The following PPID variants were observed in gnomAD, a reference collection of about 807,000 sequenced individuals.
PPID encodes peptidyl-prolyl cis-trans isomerase D.
PPID carries 47 observed loss-of-function variants against 48.1 expected under a neutral mutation model. The observed-to-expected ratio is 0.98, with a 90% CI of 0.77 to 1.25. PPID has a LOEUF of 1.25. Among genes scored for constraint, PPID ranks in the 50% most tolerant of loss-of-function variants. The pLI is 0.00. For synonymous variants in PPID, 163 were observed against 148.8 expected (o/e 1.10, Z -0.69); for missense variants, 429 against 443.5 (o/e 0.97, Z 0.29).
chr4:158,715,425 T>C (rs1466821497), intron 5 of PPID, 22 bp from the exon 6 acceptor site: 1 of 1,484,446 alleles, frequency 6.7e-7, no homozygotes, highest in South Asian at 1.3e-5. Context: ...AATACAAATA[T>C]GTTGGATTTT....
intron 1 of PPID, among the ~76,000 whole-genome samples, chr4:158,722,126 C>T (rs1218726178): frequency 1.3e-5 from 2 of 152,166 alleles, no homozygotes; most frequent in African/African-American, 4.8e-5. Context: ...AGTCTACCTA[C>T]TGTCATGTAT....
At chr4:158,715,888 C>T (rs1774863506) in intron 4 of PPID, among the ~76,000 whole-genome samples, 1 of 152,156 alleles carries the variant, frequency 6.6e-6, no homozygotes, top group Non-Finnish European at 1.5e-5. Flanking sequence ...TATTCAGGAG[C>T]TCAATAAACA....
At chr4:158,710,716 G>T in intron 8 of PPID, 46 bp from the exon 9 acceptor site, 7 of 1,609,582 alleles carry the variant, frequency 4.3e-6, no homozygotes, top group Non-Finnish European at 5.1e-6. Flanking sequence ...GATTTATAAA[G>T]GTAGTTGTCT....
intron 2 of PPID, 32 bp downstream of exon 2, chr4:158,721,311 A>C: frequency 1.9e-6 from 3 of 1,606,370 alleles, no homozygotes; most frequent in Non-Finnish European, 2.6e-6. Context: ...GTCTGTATGA[A>C]GAATAACAAG....
At chr4:158,714,164 T>C (rs969248165) in intron 6 of PPID, among the ~76,000 whole-genome samples, 1 of 152,170 alleles carries the variant, frequency 6.6e-6, no homozygotes, top group African/African-American at 2.4e-5. Context: ...GATTCAGGCA[T>C]GGATTTTCAA....
rs540490102 is a variant in PPID at position 158,723,381 on chromosome 4, G to A, written c.-93C>T. ...CCAGAGTCCGTCTCCGCCGGAGACC[G>A]GCAGCGACGCTGACCGGCCACTTCC... On this transcript the variant is annotated 5_prime_UTR_variant, in exon 1 of 10. Transcript: ENST00000307720. 49 of 1,296,468 alleles carry A rather than the reference G, an allele frequency of 3.8e-5. No homozygotes were observed. Among genetic ancestry groups the A allele is most frequent in the Middle Eastern group, 2.0e-4 (1 of 5,052 alleles). The allele number at this position is 1,296,468 out of a possible 1,614,324, so 80.3% of individuals were successfully genotyped here. A position where few individuals can be genotyped will look rare whatever the true frequency, so the allele number is the denominator to read the frequency against.
chr4:158,713,342 ATTTC>A, intron 6 of PPID, 82 bp from the exon 7 acceptor site: 1 of 1,265,918 alleles, frequency 7.9e-7, no homozygotes, highest in Non-Finnish European at 1.0e-6. Context: ...GTGTTATGTC[ATTTC>A]TGATATAAAA....
At chr4:158,722,369 G>A (rs904655891) in intron 1 of PPID, among the ~76,000 whole-genome samples, 1 of 152,242 alleles carries the variant, frequency 6.6e-6, no homozygotes, top group African/African-American at 2.4e-5. Flanking sequence ...TTTGTGCTCT[G>A]AGCAAACTGC....
chr4:158,713,482 CTAAT>C (rs976586781), intron 6 of PPID, among the ~76,000 whole-genome samples: 3 of 152,336 alleles, frequency 2.0e-5, no homozygotes, highest in Non-Finnish European at 2.9e-5. Flanking sequence ...ATTCCCAAAT[CTAAT>C]TATGCACTAG....
chr4:158,709,965 C>A, intron 9 of PPID, 141 bp from the exon 10 acceptor site: 1 of 619,910 alleles, frequency 1.6e-6, no homozygotes. Flanking sequence ...AAAATCTGAG[C>A]AATCACACAA....
chr4:158,710,605 C>T (rs372529174), intron 9 of PPID, 23 bp downstream of exon 9: 4 of 1,608,648 alleles, frequency 2.5e-6, no homozygotes, highest in Non-Finnish European at 3.4e-6. Context: ...AATTAACTTT[C>T]ACTACAAAAG....
chr4:158,713,427 T>A (rs17843942), intron 6 of PPID, among the ~76,000 whole-genome samples, 167 bp from the exon 7 acceptor site: 2 of 152,210 alleles, frequency 1.3e-5, no homozygotes, highest in East Asian at 1.9e-4. Context: ...TTAAAAAAAA[T>A]TGTTTTTGTT....
intron 7 of PPID, among the ~76,000 whole-genome samples, chr4:158,712,595 A>G (rs1774807566): frequency 6.6e-6 from 1 of 152,158 alleles, no homozygotes; most frequent in Non-Finnish European, 1.5e-5. Context: ...TGTCTCTACT[A>G]AAAATACAAA....
chr4:158,713,131 G>C lies in PPID; in HGVS notation c.882C>G (p.Asp294Glu). Residue 294 changes from aspartate to glutamate, a missense_variant, in exon 7 of 10, where the codon GAC becomes GAG. By Grantham distance (45) the Asp-to-Glu change is conservative. Coordinates refer to ENST00000307720, the MANE Select transcript of PPID (RefSeq NM_005038.3). ...CAAACAGACTTACCTCTAAACAACT[G>C]TCAATTGCTCCCTGCCAATTTGACA... ...LKMSNWQGAI[D>E]SCLEALELDP... 4.3e-6 allele frequency: 7 copies of C among 1,613,978 alleles called. No individual in the cohort carries two copies. The highest frequency in any genetic ancestry group is 5.9e-6 in the Non-Finnish European group (7 of 1,179,974).
Position 158,723,320 on chromosome 4 carries a change from T to TCAGA in PPID, c.-36_-33dup. On this transcript the variant is annotated 5_prime_UTR_variant, in exon 1 of 10. Coordinates refer to ENST00000307720, the MANE Select transcript of PPID (RefSeq NM_005038.3). ...TTGCAGACGTGTTTAGTACGGAATA[T>TCAGA]CAGAGTACCTAGTGGCCGCCCGGGC... The TCAGA allele has an allele frequency of 6.2e-7, 1 of 1,602,176 alleles. No individual in the cohort carries two copies. The highest frequency in any genetic ancestry group is 8.5e-7 in the Non-Finnish European group (1 of 1,170,494).
In PPID at chr4:158,723,199, C is replaced by G; in HGVS notation, c.85+5G>C. On this transcript the variant is annotated splice_donor_5th_base_variant and intron_variant, in intron 1 of 9. Coordinates refer to ENST00000307720, the MANE Select transcript of PPID (RefSeq NM_005038.3). ...GCTTTTCCGCGAGCGTCAGACTCCG[C>G]TCACCTCGCTCCCCTCCGATGTCCA... The G allele has an allele frequency of 6.2e-7, 1 of 1,612,778 alleles. No individual in the cohort carries two copies. Among genetic ancestry groups the G allele is most frequent in the Non-Finnish European group, 8.5e-7 (1 of 1,179,314 alleles).
chr4:158,711,260 C>G (rs1774786299), intron 7 of PPID, among the ~76,000 whole-genome samples: 1 of 152,082 alleles, frequency 6.6e-6, no homozygotes, highest in South Asian at 2.1e-4. Flanking sequence ...AGGTCTCACT[C>G]TGTGGCCCAG....
At chr4:158,717,287 C>T (rs1255615559) in intron 3 of PPID, 87 bp from the exon 4 acceptor site, 5 of 1,265,842 alleles carry the variant, frequency 3.9e-6, no homozygotes, top group South Asian at 3.2e-5. Flanking sequence ...TTTTACTGAA[C>T]ATAAAACTGG....
chr4:158,721,585 C>G, intron 1 of PPID, 102 bp from the exon 2 acceptor site: 2 of 1,339,088 alleles, frequency 1.5e-6, no homozygotes, highest in Non-Finnish European at 2.0e-6. Flanking sequence ...CATGAATTAC[C>G]AAGTTCCCCT....
Sources: allele counts gnomAD v4.1 joint callset (sites outside exome capture counted in the v4.1 genomes callset), GRCh38; gene constraint gnomAD v4.1.1; transcripts MANE v1.5; gene names NCBI Gene and HGNC (gene_info 2026-07-23, HGNC 2026-07-21).